The following SOX5 variants were observed in gnomAD, a reference collection of about 807,000 sequenced individuals.
SOX5 encodes transcription factor SOX-5.
Under a neutral mutation model 92.0 loss-of-function variants are expected in SOX5, and 9 were observed. That is an observed-to-expected ratio of 0.10 (90% CI 0.06 to 0.17). SOX5 has a LOEUF of 0.17. SOX5 is among the 10% of genes least tolerant of loss of function. SOX5 has a pLI of 1.00. For synonymous variants in SOX5, 344 were observed against 336.3 expected, an observed-to-expected ratio of 1.02 and a Z score of -0.25; for missense variants, 642 against 944.5, an observed-to-expected ratio of 0.68 and a Z score of 4.20.
chr12:23,950,262 G>GCACACA (rs111520694), upstream of SOX5, among the ~76,000 whole-genome samples: 1 of 148,162 alleles, frequency 6.7e-6, no homozygotes, highest in Non-Finnish European at 1.5e-5. Flanking sequence ...GGAAATACAC[G>GCACACA]CACACACACA....
At chr12:23,779,814 T>TATACACACAC (rs777013504) in intron 3 of SOX5, among the ~76,000 whole-genome samples, 42 of 110,798 alleles carry the variant, frequency 3.8e-4, no homozygotes, top group African/African-American at 7.0e-4. Context: ...TATATATATA[T>TATACACACAC]ACACACACAC....
At chr12:24,075,806 G>A (rs1942509091) in intron 4 of SOX5, among the ~76,000 whole-genome samples, 1 of 152,088 alleles carries the variant, frequency 6.6e-6, no homozygotes, top group Non-Finnish European at 1.5e-5. Flanking sequence ...ATTTTTCAAA[G>A]CAGCCAAGGA....
chr12:24,516,711 T>C (rs1204346470), intron 1 of SOX5, among the ~76,000 whole-genome samples: 1 of 152,200 alleles, frequency 6.6e-6, no homozygotes, highest in Non-Finnish European at 1.5e-5. Context: ...TTTTAGAGCA[T>C]CTCATCCTTT....
intron 4 of SOX5, among the ~76,000 whole-genome samples, chr12:24,059,297 C>T (rs1939205687): frequency 6.6e-6 from 1 of 151,984 alleles, no homozygotes; most frequent in South Asian, 2.1e-4. Context: ...AAATCTTTAT[C>T]TGAAAAGGAA....
chr12:23,637,757 G>C (rs1005463019), intron 8 of SOX5, among the ~76,000 whole-genome samples: 5 of 152,218 alleles, frequency 3.3e-5, no homozygotes, highest in African/African-American at 1.2e-4. Context: ...TCCATCCTTA[G>C]TGTGGTGAGA....
chr12:23,547,165 T>A (rs1348325171), intron 11 of SOX5, among the ~76,000 whole-genome samples: 2 of 152,166 alleles, frequency 1.3e-5, no homozygotes, highest in South Asian at 4.1e-4. Context: ...TTAAGAAAAA[T>A]ATAATGCTTA....
intron 8 of SOX5, among the ~76,000 whole-genome samples, chr12:23,627,850 C>G (rs1033250070): frequency 3.3e-5 from 5 of 151,520 alleles, no homozygotes; most frequent in Non-Finnish European, 7.4e-5. Flanking sequence ...AAAAAAAACA[C>G]CTCAAGTCAT....
intron 4 of SOX5, among the ~76,000 whole-genome samples, chr12:24,120,105 T>C (rs1371492772): frequency 6.6e-6 from 1 of 152,214 alleles, no homozygotes; most frequent in Admixed American, 6.5e-5. Flanking sequence ...TTTGGGCTAC[T>C]ATGAACAGTG....
intron 1 of SOX5, among the ~76,000 whole-genome samples, chr12:24,441,704 T>TG (rs1237570377): frequency 6.6e-6 from 1 of 151,966 alleles, no homozygotes; most frequent in Non-Finnish European, 1.5e-5. Flanking sequence ...TGATAAACAA[T>TG]GGGGGGAAAA....
intron 3 of SOX5, among the ~76,000 whole-genome samples, chr12:24,235,056 G>A (rs1964179217): frequency 6.6e-6 from 1 of 152,208 alleles, no homozygotes; most frequent in African/African-American, 2.4e-5. Flanking sequence ...GTATTTGCAT[G>A]AGATTTTTGT....
intron 4 of SOX5, among the ~76,000 whole-genome samples, chr12:23,989,066 G>A (rs1437840338): frequency 6.6e-6 from 1 of 151,946 alleles, no homozygotes; most frequent in African/African-American, 2.4e-5. Flanking sequence ...AAGGAAGGAA[G>A]TTTCGTCATG....
chr12:23,732,583 A>C (rs2093432144), intron 6 of SOX5, among the ~76,000 whole-genome samples: 1 of 152,194 alleles, frequency 6.6e-6, no homozygotes, highest in African/African-American at 2.4e-5. Context: ...TAGAAAGAAG[A>C]CAAACACACA....
intron 1 of SOX5, among the ~76,000 whole-genome samples, chr12:24,440,148 T>C (rs902715966): frequency 6.6e-6 from 1 of 152,162 alleles, no homozygotes; most frequent in Admixed American, 6.5e-5. Context: ...GGGACTTATG[T>C]CCTACCCTGA....
At position 23,896,035 on chromosome 12, in the gene SOX5, C is replaced by T. The variant is rs1438114328; in HGVS notation, c.39-11G>A. On this transcript the variant is annotated splice_polypyrimidine_tract_variant and intron_variant, in intron 1 of 14. Transcript: ENST00000451604. ...CGCTTGGAAGACATCCTGGAAGGAACAAAAGAGGAGAAAATAATGAAACCT... is the reference window on the plus strand; with the variant it reads ...CGCTTGGAAGACATCCTGGAAGGAATAAAAGAGGAGAAAATAATGAAACCT... The T allele has an allele frequency of 1.3e-6, 2 of 1,568,760 alleles. No individual in the cohort carries two copies. The highest frequency in any genetic ancestry group is 1.8e-6 in the Non-Finnish European group (2 of 1,139,558).
At chr12:24,347,568 C>A (rs145728657) in intron 2 of SOX5, among the ~76,000 whole-genome samples, 28 of 152,208 alleles carry the variant, frequency 1.8e-4, no homozygotes, top group African/African-American at 6.5e-4. Flanking sequence ...GTTATCAATT[C>A]TTTAAATAAT....
intron 4 of SOX5, among the ~76,000 whole-genome samples, chr12:24,115,264 C>A (rs565837403): frequency 6.6e-6 from 1 of 152,066 alleles, no homozygotes; most frequent in African/African-American, 2.4e-5. Flanking sequence ...AACAAAATAC[C>A]GATTAGAGAA....
At chr12:23,696,782 G>A (rs1054266318) in intron 6 of SOX5, among the ~76,000 whole-genome samples, 12 of 152,004 alleles carry the variant, frequency 7.9e-5, no homozygotes, top group Non-Finnish European at 1.0e-4. Context: ...TTTGGAATAT[G>A]TTACGTTGTC....
intron 2 of SOX5, among the ~76,000 whole-genome samples, chr12:24,294,867 G>T (rs1446257900): frequency 6.6e-6 from 1 of 152,170 alleles, no homozygotes; most frequent in Non-Finnish European, 1.5e-5. Context: ...ATCTCTCTTG[G>T]TTCTGCAATT....
chr12:24,169,566 A>T (rs1437163208), intron 4 of SOX5, among the ~76,000 whole-genome samples: 1 of 152,166 alleles, frequency 6.6e-6, no homozygotes, highest in African/African-American at 2.4e-5. Context: ...CTTCCCACAC[A>T]ATGTGTTTTG....
Sources: gnomAD v4.1 joint callset for allele counts (sites outside exome capture counted in the v4.1 genomes callset) on GRCh38, gnomAD v4.1.1 for gene constraint, MANE v1.5 for transcripts, NCBI Gene and HGNC (gene_info 2026-07-23, HGNC 2026-07-21) for gene names.